XPNPEP3: variants seen among roughly 807,000 people sequenced by gnomAD.
XPNPEP3 encodes the protein xaa-Pro aminopeptidase 3.
In XPNPEP3, 41 loss-of-function variants were observed where a neutral mutation model predicts 60.0. That is an observed-to-expected ratio of 0.68 (90% CI 0.53 to 0.89). The LOEUF (loss-of-function observed/expected upper bound fraction) is 0.89, where lower values mean the gene tolerates loss of function less well. Ranked by LOEUF, XPNPEP3 falls within the 40% of genes least tolerant of loss-of-function variation. XPNPEP3 has a pLI of 0.00. For missense variants in XPNPEP3, 598 were observed against 638.9 expected (o/e 0.94, Z 0.69); for synonymous variants, 212 against 223.2 (o/e 0.95, Z 0.45).
chr22:40,913,374 G>C (rs555373917), intron 6 of XPNPEP3, among the ~76,000 whole-genome samples: 2 of 150,532 alleles, frequency 1.3e-5, no homozygotes, highest in African/African-American at 4.9e-5. Flanking sequence ...GGAGGTGGAG[G>C]TTGCAGTGAG....
chr22:40,881,271 A>G (rs2058047048), intron 2 of XPNPEP3, among the ~76,000 whole-genome samples: 1 of 150,596 alleles, frequency 6.6e-6, no homozygotes, highest in South Asian at 2.1e-4. Flanking sequence ...CTGGTCTTGA[A>G]CTCCTGACCT....
intron 4 of XPNPEP3, among the ~76,000 whole-genome samples, chr22:40,895,229 G>A (rs2058103124): frequency 6.6e-6 from 1 of 152,150 alleles, no homozygotes; most frequent in African/African-American, 2.4e-5. Flanking sequence ...TCCCCTGGTA[G>A]CATGCTGCAT....
chr22:40,864,224 G>C (rs148723221), intron 1 of XPNPEP3, among the ~76,000 whole-genome samples: 6,149 of 152,286 alleles, frequency 0.04, 201 homozygotes, highest in Non-Finnish European at 0.055. Context: ...GTAACTTCCT[G>C]ACGTTGCCAT....
intron 4 of XPNPEP3, among the ~76,000 whole-genome samples, chr22:40,895,339 T>G (rs1285621398): frequency 6.6e-6 from 1 of 151,640 alleles, no homozygotes; most frequent in East Asian, 1.9e-4. Context: ...GTGCTTTTCT[T>G]TTCTTTTTTT....
chr22:40,882,062 C>G lies in XPNPEP3; in HGVS notation c.474C>G (p.Pro158=). Reference sequence around the variant, plus strand: ...TACTTTTTGTGCCTCGGCGAGATCCCAGTCGAGAACTTTGGGATGGTCCGC... The same window carrying G: ...TACTTTTTGTGCCTCGGCGAGATCCGAGTCGAGAACTTTGGGATGGTCCGC... ...KAILFVPRRD[P]SRELWDGPRS... Residue 158 remains proline (P), a synonymous_variant, in exon 3 of 10, where the codon CCC becomes CCG. Transcript: ENST00000357137. 6.2e-7 allele frequency: 1 copy of G among 1,614,110 alleles called. No homozygotes were observed.
At chr22:40,865,309 C>T (rs2057972729) in intron 1 of XPNPEP3, among the ~76,000 whole-genome samples, 1 of 149,012 alleles carries the variant, frequency 6.7e-6, no homozygotes, top group Admixed American at 6.8e-5. Context: ...ACTTGCCACA[C>T]TGTGAGCCCT....
At chr22:40,859,409 A>G (rs1167045856) in intron 1 of XPNPEP3, 3 of 152,184 alleles carry the variant, frequency 2.0e-5, no homozygotes, top group Non-Finnish European at 1.5e-5. Flanking sequence ...ACTACAGGGC[A>G]TGTCATTACA....
intron 6 of XPNPEP3, among the ~76,000 whole-genome samples, chr22:40,913,397 C>T (rs1167759767): frequency 6.7e-6 from 1 of 148,780 alleles, no homozygotes; most frequent in Admixed American, 6.7e-5. Flanking sequence ...GAGATCACAC[C>T]ACTGCACTCC....
rs2058249360 is a variant in XPNPEP3 at position 40,930,118 on chromosome 22, T to C, written c.*3683T>C. 6.6e-6 allele frequency: 1 copy of C among 151,408 alleles called. No homozygotes were observed. Among genetic ancestry groups the C allele is most frequent in the African/African-American group, 2.4e-5 (1 of 41,306 alleles). 9.4% of individuals were successfully genotyped at this position (151,408 alleles called of 1,614,324 possible). On this transcript the variant is annotated 3_prime_UTR_variant, in exon 10 of 10. Transcript: ENST00000357137. ...AGCTTTTTTTTTTTTTAAAGGTTTT[T>C]TGTGGGGTTTTTTTGTTTTTTTTTT...
intron 7 of XPNPEP3, 142 bp downstream of exon 7, chr22:40,914,466 T>C: frequency 1.5e-6 from 1 of 676,212 alleles, no homozygotes; most frequent in Non-Finnish European, 2.6e-6. Context: ...TATTATTTTC[T>C]AAGACTGTTT....
intron 3 of XPNPEP3, among the ~76,000 whole-genome samples, chr22:40,884,491 G>A (rs973368246): frequency 7.3e-5 from 11 of 151,084 alleles, no homozygotes; most frequent in African/African-American, 2.2e-4. Context: ...CACCATGCCC[G>A]GGGAATTTTT....
intron 2 of XPNPEP3, among the ~76,000 whole-genome samples, chr22:40,877,976 G>A (rs919454471): frequency 4.6e-5 from 7 of 152,106 alleles, no homozygotes; most frequent in African/African-American, 1.7e-4. Context: ...GGAGGCCGAG[G>A]CCGGTGGATC....
intron 4 of XPNPEP3, among the ~76,000 whole-genome samples, chr22:40,900,757 C>T (rs540669493): frequency 6.6e-6 from 1 of 152,104 alleles, no homozygotes; most frequent in African/African-American, 2.4e-5. Flanking sequence ...GGCAAAACCC[C>T]ATCTCTATGA....
chr22:40,924,514 G>A (rs1285153613), intron 9 of XPNPEP3, 32 bp downstream of exon 9: 4 of 1,613,048 alleles, frequency 2.5e-6, no homozygotes, highest in African/African-American at 2.7e-5. Flanking sequence ...GTAGTATGAG[G>A]TAAATGTTTG....
At chr22:40,858,766 G>C (rs962366907) in intron 1 of XPNPEP3, among the ~76,000 whole-genome samples, 1 of 151,854 alleles carries the variant, frequency 6.6e-6, no homozygotes, top group Non-Finnish European at 1.5e-5. Context: ...CCCTGACCTC[G>C]TGATCCACCC....
intron 2 of XPNPEP3, among the ~76,000 whole-genome samples, chr22:40,871,514 C>T (rs1286310705): frequency 6.6e-6 from 1 of 152,104 alleles, no homozygotes; most frequent in Non-Finnish European, 1.5e-5. Context: ...AATGCCTTTC[C>T]TAATTATTAC....
chr22:40,920,333 TCACTC>T (rs924199310), intron 7 of XPNPEP3, among the ~76,000 whole-genome samples: 4 of 151,964 alleles, frequency 2.6e-5, no homozygotes, highest in Non-Finnish European at 4.4e-5. Flanking sequence ...TCGCACCACT[TCACTC>T]CAGCCTGGGT....
At chr22:40,894,381 A>T (rs949880824) in intron 4 of XPNPEP3, among the ~76,000 whole-genome samples, 4 of 152,106 alleles carry the variant, frequency 2.6e-5, no homozygotes, top group Non-Finnish European at 4.4e-5. Context: ...ATCATTTTTT[A>T]AATTTTTTTA....
chr22:40,919,645 A>C (rs991238549), intron 7 of XPNPEP3, among the ~76,000 whole-genome samples: 5 of 152,218 alleles, frequency 3.3e-5, no homozygotes, highest in African/African-American at 1.2e-4. Context: ...AATTACAGGC[A>C]TGAGCCACTA....
Sources: gnomAD v4.1 joint callset for allele counts (sites outside exome capture counted in the v4.1 genomes callset) on GRCh38, gnomAD v4.1.1 for gene constraint, MANE v1.5 for transcripts, NCBI Gene and HGNC (gene_info 2026-07-23, HGNC 2026-07-21) for gene names.